USP25: variants seen among roughly 807,000 people sequenced by gnomAD.
The protein encoded by USP25 is ubiquitin specific peptidase 25.
Under a neutral mutation model 158.5 loss-of-function variants are expected in USP25, and 85 were observed. The ratio of observed to expected loss-of-function variants is 0.54; its 90% CI spans 0.45 to 0.64. The LOEUF (loss-of-function observed/expected upper bound fraction) is 0.64, where lower values mean the gene tolerates loss of function less well. USP25 is among the 30% of genes least tolerant of loss of function. The pLI, the probability that USP25 is intolerant of heterozygous loss-of-function variation, is 0.00. For synonymous variants in USP25, 464 were observed against 460.4 expected (o/e 1.01, Z -0.10); for missense variants, 1,242 against 1,327.3 (o/e 0.94, Z 1.00).
chr21:15,834,587 T>C (rs1204485633), intron 17 of USP25, among the ~76,000 whole-genome samples: 2 of 152,216 alleles, frequency 1.3e-5, no homozygotes, highest in African/African-American at 4.8e-5. Flanking sequence ...GAAGGAATTA[T>C]TACTTCAATA....
In USP25 at chr21:15,833,522, G is replaced by A. The variant is rs1239391447; in HGVS notation, c.2168G>A (p.Arg723Lys). ...AAGCTTTTAGCGTCTCAGAAATTGA[G>A]AGAGTCAGAGACTTCTGTGACAACA... Reference protein sequence around the residue: ...QEKLLASQKLRESETSVTTAQ... With the variant: ...QEKLLASQKLKESETSVTTAQ... The change falls in exon 17 of 26, where the codon AGA becomes AAA. Residue 723 changes from arginine to lysine, a missense_variant. Physicochemically the swap from Arg to Lys is conservative, Grantham distance 26. This residue lies in a region of USP25 where 608 missense variants were observed against 605.2 expected (regional missense o/e 1.00). Coordinates refer to ENST00000400183, the MANE Select transcript of USP25 (RefSeq NM_001283041.3). The A allele has an allele frequency of 2.5e-6, 4 of 1,613,798 alleles. No individual in the cohort carries two copies. In the African/African-American group the frequency reaches 5.3e-5, roughly 22 times the overall value.
chr21:15,850,923 G>A (rs1601125397), intron 20 of USP25, among the ~76,000 whole-genome samples: 2 of 151,862 alleles, frequency 1.3e-5, no homozygotes, highest in East Asian at 3.9e-4. Flanking sequence ...CTGGTCCCAG[G>A]ACAAGTTGAT....
At chr21:15,871,731 T>G (rs2039891752) in intron 23 of USP25, among the ~76,000 whole-genome samples, 1 of 152,180 alleles carries the variant, frequency 6.6e-6, no homozygotes, top group Non-Finnish European at 1.5e-5. Context: ...AGTTTTCAAA[T>G]ACATACTTAT....
At chr21:15,872,952 A>G (rs148844974) in intron 23 of USP25, among the ~76,000 whole-genome samples, 364 of 152,276 alleles carry the variant, frequency 2.4e-3, no homozygotes, top group African/African-American at 8.3e-3. Context: ...GAAAAAATAT[A>G]TTAATGAAAA....
chr21:15,744,204 A>C (rs2032322618), intron 1 of USP25: 1 of 152,524 alleles, frequency 6.6e-6, no homozygotes, highest in South Asian at 2.1e-4. Flanking sequence ...CCCTCAGGTC[A>C]TGGGGTCCTG....
intron 3 of USP25, among the ~76,000 whole-genome samples, chr21:15,771,004 A>G (rs1429619434): frequency 1.3e-5 from 2 of 152,222 alleles, no homozygotes; most frequent in Non-Finnish European, 2.9e-5. Context: ...AATATATAAA[A>G]GATATGTTCT....
chr21:15,754,329 TATTC>T (rs1358015557), intron 1 of USP25, among the ~76,000 whole-genome samples: 2 of 152,340 alleles, frequency 1.3e-5, no homozygotes, highest in Admixed American at 6.5e-5. Flanking sequence ...GGCTCTGCTG[TATTC>T]ATTTATTCAG....
intron 7 of USP25, among the ~76,000 whole-genome samples, chr21:15,806,510 CTT>C (rs1480676291): frequency 1.3e-5 from 2 of 150,902 alleles, no homozygotes; most frequent in East Asian, 3.9e-4. Flanking sequence ...GCAGCATAGA[CTT>C]TGTCTGGAGC....
chr21:15,865,595 T>G (rs1168721444), intron 21 of USP25, among the ~76,000 whole-genome samples: 1 of 152,212 alleles, frequency 6.6e-6, no homozygotes, highest in Non-Finnish European at 1.5e-5. Context: ...AACAGGGTTG[T>G]TGTGACCCTC....
At chr21:15,812,230 A>AGT (rs2036701240) in intron 9 of USP25, among the ~76,000 whole-genome samples, 1 of 151,998 alleles carries the variant, frequency 6.6e-6, no homozygotes, top group African/African-American at 2.4e-5. Flanking sequence ...TTTTATTTGA[A>AGT]GTAGAACACT....
At chr21:15,814,809 A>C (rs1007604196) in intron 9 of USP25, among the ~76,000 whole-genome samples, 1 of 152,206 alleles carries the variant, frequency 6.6e-6, no homozygotes, top group African/African-American at 2.4e-5. Context: ...TTGCAGCCTG[A>C]TGATCCAGTA....
At chr21:15,857,309 A>T (rs1446280167) in intron 20 of USP25, among the ~76,000 whole-genome samples, 1 of 152,158 alleles carries the variant, frequency 6.6e-6, no homozygotes, top group Non-Finnish European at 1.5e-5. Context: ...CAATATCGTG[A>T]ACATTTTTGT....
chr21:15,740,611 A>C (rs1048880616), intron 1 of USP25, among the ~76,000 whole-genome samples: 2 of 146,824 alleles, frequency 1.4e-5, no homozygotes, highest in African/African-American at 5.0e-5. Context: ...GTACATGCTA[A>C]AGTTGTAATC....
intron 7 of USP25, among the ~76,000 whole-genome samples, chr21:15,807,837 T>C (rs79071989): frequency 0.076 from 11,570 of 152,260 alleles, 505 homozygotes; most frequent in East Asian, 0.092. Flanking sequence ...GGTGGACATA[T>C]ATTTTTGCAG....
intron 8 of USP25, among the ~76,000 whole-genome samples, chr21:15,809,133 A>G (rs762217260): frequency 1.3e-5 from 2 of 152,212 alleles, no homozygotes; most frequent in Non-Finnish European, 2.9e-5. Context: ...ATCACTTTTC[A>G]TGACGAGGAA....
intron 1 of USP25, among the ~76,000 whole-genome samples, chr21:15,735,996 G>T (rs996831189): frequency 6.6e-6 from 1 of 151,728 alleles, no homozygotes; most frequent in South Asian, 2.1e-4. Flanking sequence ...GTGTGTGTGT[G>T]TGTGTGTATG....
At position 15,779,816 on chromosome 21, in the gene USP25, A is replaced by G. The variant is rs530058185; in HGVS notation, c.392+1789A>G. On this transcript the variant is annotated intron_variant, in intron 4 of 25. Coordinates refer to ENST00000400183, the MANE Select transcript of USP25 (RefSeq NM_001283041.3). Reference sequence around the variant, plus strand: ...ATTGTAGATGACATAGAGATTCGGCATAATGTAACATGCCATAAAGCTATG... The same window carrying G: ...ATTGTAGATGACATAGAGATTCGGCGTAATGTAACATGCCATAAAGCTATG... Among the ~76,000 whole-genome samples, 27 of 152,200 alleles carry G rather than the reference A, an allele frequency of 1.8e-4. 1 individual carries two copies. In the South Asian group the frequency reaches 4.1e-3, roughly 23 times the overall value.
At chr21:15,850,759 C>CA (rs906339676) in intron 20 of USP25, among the ~76,000 whole-genome samples, 27 of 151,766 alleles carry the variant, frequency 1.8e-4, no homozygotes, top group South Asian at 1.2e-3. Flanking sequence ...GTATACAGTA[C>CA]AAAACAAAAG....
chr21:15,852,843 T>G (rs1157167241), intron 20 of USP25, among the ~76,000 whole-genome samples: 1 of 151,924 alleles, frequency 6.6e-6, no homozygotes, highest in Non-Finnish European at 1.5e-5. Flanking sequence ...TATCTGTGAT[T>G]GAGTAATACA....
Sources: allele counts gnomAD v4.1 joint callset (sites outside exome capture counted in the v4.1 genomes callset), GRCh38; gene constraint gnomAD v4.1.1; regional missense constraint gnomAD v4.1.1; transcripts MANE v1.5; gene names NCBI Gene and HGNC (gene_info 2026-07-23, HGNC 2026-07-21).